Variants in SIK3 observed in about 807,000 individuals in gnomAD.
The protein encoded by SIK3 is serine/threonine-protein kinase SIK3.
SIK3 carries 28 observed loss-of-function variants against 144.2 expected under a neutral mutation model. The ratio of observed to expected loss-of-function variants is 0.19; its 90% CI spans 0.14 to 0.27. The LOEUF (loss-of-function observed/expected upper bound fraction) is 0.27. Among genes scored for constraint, SIK3 ranks in the 10% least tolerant of loss-of-function variants. SIK3 has a pLI of 1.00. For missense variants in SIK3, 1,319 were observed against 1,776.0 expected (o/e 0.74, Z 4.62); for synonymous variants, 686 against 676.3 (o/e 1.01, Z -0.22).
At chr11:117,023,115 A>T (rs759239105) in intron 1 of SIK3, among the ~76,000 whole-genome samples, 1 of 152,176 alleles carries the variant, frequency 6.6e-6, no homozygotes, top group Non-Finnish European at 1.5e-5. Flanking sequence ...TCACTTTTTG[A>T]AATAACTCCA....
chr11:116,941,364 A>T (rs1171034207), intron 3 of SIK3, among the ~76,000 whole-genome samples: 1 of 150,274 alleles, frequency 6.7e-6, no homozygotes, highest in East Asian at 2.0e-4. Flanking sequence ...ATGGTAGTTT[A>T]GTTGTGAAGA....
chr11:117,065,452 T>C (rs937969824), intron 1 of SIK3, among the ~76,000 whole-genome samples: 4 of 151,958 alleles, frequency 2.6e-5, no homozygotes, highest in Non-Finnish European at 4.4e-5. Flanking sequence ...GACAACTCAA[T>C]AACTTTTGAA....
chr11:117,010,426 G>A (rs1456765328), intron 1 of SIK3, among the ~76,000 whole-genome samples: 1 of 152,144 alleles, frequency 6.6e-6, no homozygotes, highest in African/African-American at 2.4e-5. Context: ...GGGAGGACTA[G>A]GATGCTGTGT....
rs1242338653 is a variant in SIK3, at chr11:117,021,819, T to G, written c.274-64755A>C. Reference sequence around the variant, plus strand: ...AAAAAACAGAATAAAATAAAATAAATCTGGGCACAGTGGCTCACACCCAAC... The same window carrying G: ...AAAAAACAGAATAAAATAAAATAAAGCTGGGCACAGTGGCTCACACCCAAC... On this transcript the variant is annotated intron_variant, in intron 1 of 24. Transcript: ENST00000445177. 9.5e-5 allele frequency among the ~76,000 whole-genome samples: 14 copies of G among 147,914 alleles called. 1 individual carries two copies.
At chr11:116,863,502 T>C (rs1261592600) in intron 16 of SIK3, among the ~76,000 whole-genome samples, 166 bp downstream of exon 16, 4 of 152,182 alleles carry the variant, frequency 2.6e-5, no homozygotes, top group Admixed American at 2.0e-4. Context: ...GTGCTGGGAT[T>C]ATAGGCGGGA....
At chr11:117,061,327 T>C (rs972147794) in intron 1 of SIK3, among the ~76,000 whole-genome samples, 2 of 152,152 alleles carry the variant, frequency 1.3e-5, no homozygotes, top group Non-Finnish European at 2.9e-5. Context: ...AGATAATGTC[T>C]GTTGTGTGTG....
intron 1 of SIK3, among the ~76,000 whole-genome samples, chr11:117,026,634 G>C (rs1465586051): frequency 2.0e-5 from 3 of 152,082 alleles, no homozygotes; most frequent in Admixed American, 2.0e-4. Context: ...TGAACCTCCA[G>C]GTCAGATGTA....
At chr11:116,886,875 C>G (rs1358394664) in intron 6 of SIK3, among the ~76,000 whole-genome samples, 1 of 152,196 alleles carries the variant, frequency 6.6e-6, no homozygotes, top group African/African-American at 2.4e-5. Flanking sequence ...TCACCTTCCA[C>G]AACAGCTCAA....
chr11:116,854,676 C>T (rs1376382224), intron 21 of SIK3, among the ~76,000 whole-genome samples: 1 of 152,110 alleles, frequency 6.6e-6, no homozygotes, highest in African/African-American at 2.4e-5. Flanking sequence ...AGAGTGAGCT[C>T]CCCCACTTGC....
At chr11:117,053,810 C>A (rs1303603040) in intron 1 of SIK3, among the ~76,000 whole-genome samples, 1 of 152,136 alleles carries the variant, frequency 6.6e-6, no homozygotes, top group Non-Finnish European at 1.5e-5. Flanking sequence ...CCATGCCCAG[C>A]TAATTTTTTT....
At chr11:116,995,197 G>A (rs1258799275) in intron 1 of SIK3, among the ~76,000 whole-genome samples, 15 of 151,258 alleles carry the variant, frequency 9.9e-5, no homozygotes, top group African/African-American at 1.9e-4. Flanking sequence ...AACCCAGGAG[G>A]TGGAGGTTGC....
At chr11:116,996,798 C>T (rs11604866) in intron 1 of SIK3, among the ~76,000 whole-genome samples, 11,607 of 118,510 alleles carry the variant, frequency 0.098, 624 homozygotes, top group Middle Eastern at 0.17. Context: ...CCAGCCTGGG[C>T]GCCAGAGGGA....
chr11:116,890,805 A>T (rs1279549259), intron 6 of SIK3, among the ~76,000 whole-genome samples: 1 of 152,178 alleles, frequency 6.6e-6, no homozygotes, highest in Non-Finnish European at 1.5e-5. Flanking sequence ...AGAAAACAGA[A>T]CTTGTTCAGG....
At chr11:116,909,418 G>A (rs953393971) in intron 4 of SIK3, among the ~76,000 whole-genome samples, 13 of 152,102 alleles carry the variant, frequency 8.5e-5, no homozygotes, top group South Asian at 4.1e-4. Context: ...TTGTGATGAG[G>A]TGTACAGCCT....
At chr11:117,037,430 A>C (rs1952555989) in intron 1 of SIK3, among the ~76,000 whole-genome samples, 1 of 152,198 alleles carries the variant, frequency 6.6e-6, no homozygotes, top group African/African-American at 2.4e-5. Context: ...AGAAAGCAAA[A>C]CAAGACTAAT....
rs1941931335 is a variant in SIK3, at chr11:116,846,184, G to A, written c.*13+199C>T. ...AGAGACTGTGTTTAGCATTTCTTCT[G>A]CACACCCCCACCCCTACCTCGCGCC... On this transcript the variant is annotated intron_variant, in intron 24 of 24. Coordinates refer to ENST00000445177, the MANE Select transcript of SIK3 (RefSeq NM_001366686.3). This position sits in a 1 kb window ranked among gnomAD's most constrained non-coding sequence, Gnocchi z 4.1. Among the ~76,000 whole-genome samples the A allele has an allele frequency of 6.6e-6, 1 of 152,144 alleles. No individual in the cohort carries two copies. The highest frequency in any genetic ancestry group is 6.5e-5 in the Admixed American group (1 of 15,272).
chr11:116,947,317 A>T (rs1197421031), intron 3 of SIK3, among the ~76,000 whole-genome samples: 1 of 143,466 alleles, frequency 7.0e-6, no homozygotes, highest in Non-Finnish European at 1.5e-5. Context: ...ATGTTCTAGC[A>T]GTCAGAGAAA....
intron 14 of SIK3, 110 bp from the exon 15 acceptor site, chr11:116,868,199 C>A (rs1279057728): frequency 2.2e-6 from 3 of 1,384,176 alleles, no homozygotes; most frequent in African/African-American, 2.9e-5. Context: ...TGCCAGAGCT[C>A]ACGAAGGCTT....
rs1358666568 is a variant in SIK3, at chr11:116,858,631, T to C, written c.2834A>G (p.Asp945Gly). ...QAHLHPHLFS[D>G]QSRGSPSSYS... is the part of the protein sequence containing the mutation. ...GCTGCTGGGGGAACCCCGGGACTGG[T>C]CCGAAAACAGATGGGGGTGTAAATG... The change falls in exon 21 of 25, where the codon GAC (aspartate) becomes GGC (glycine). Residue 945 changes from aspartate to glycine, a missense_variant. By Grantham distance (94) the Asp-to-Gly change is moderately conservative. Transcript: ENST00000445177. The surrounding 1 kb of genome is among the most constrained non-coding windows in gnomAD (Gnocchi z 5.4). 1.9e-6 allele frequency: 3 copies of C among 1,599,706 alleles called. No individual in the cohort carries two copies. The highest frequency in any genetic ancestry group is 1.3e-5 in the African/African-American group (1 of 74,390).
Sources: allele counts gnomAD v4.1 joint callset (sites outside exome capture counted in the v4.1 genomes callset), GRCh38; gene constraint gnomAD v4.1.1; non-coding constraint Gnocchi (gnomAD v3.1); transcripts MANE v1.5; gene names NCBI Gene and HGNC (gene_info 2026-07-23, HGNC 2026-07-21).